Variants in WDR48 observed in about 807,000 individuals in gnomAD.
WDR48 encodes the protein WD repeat domain 48, also known as WD repeat-containing protein 48.
WDR48 carries 22 observed loss-of-function variants against 94.0 expected under a neutral mutation model. The observed-to-expected ratio is 0.23, with a 90% CI of 0.17 to 0.33. The LOEUF is 0.33. WDR48 is among the 10% of genes least tolerant of loss of function. WDR48 has a pLI of 1.00. For missense variants in WDR48, 541 were observed against 813.8 expected (o/e 0.66, Z 4.08); for synonymous variants, 278 against 280.5 (o/e 0.99, Z 0.09).
intron 14 of WDR48, among the ~76,000 whole-genome samples, chr3:39,087,628 A>G (rs1306342617): frequency 2.0e-5 from 3 of 152,212 alleles, no homozygotes; most frequent in Admixed American, 1.3e-4. Flanking sequence ...CAAAGAAAAA[A>G]CAACAGTGGA....
chr3:39,078,092 C>G (rs375541774), intron 9 of WDR48, 45 bp from the exon 10 acceptor site: 1 of 1,438,916 alleles, frequency 6.9e-7, no homozygotes, highest in Non-Finnish European at 9.7e-7. Flanking sequence ...GCTGGCAAAG[C>G]TTGTAGAGCA....
chr3:39,053,011 TAAAGTA>T (rs1385644434), intron 1 of WDR48, among the ~76,000 whole-genome samples: 2 of 152,200 alleles, frequency 1.3e-5, no homozygotes, highest in Non-Finnish European at 2.9e-5. Context: ...TCCTAGAACT[TAAAGTA>T]TAATAATAAT....
In WDR48 at chr3:39,094,576, G is replaced by A. The variant is rs559399722; in HGVS notation, c.1939-72G>A. 6.3e-6 allele frequency: 10 copies of A among 1,588,694 alleles called. No individual in the cohort carries two copies. In the East Asian group the frequency reaches 2.3e-4, roughly 36 times the overall value. On this transcript the variant is annotated intron_variant, in intron 18 of 18. Transcript: ENST00000302313. The stretch of plus-strand genomic sequence containing the variant: ...GAGCAAGCTGGATCACCTGATGAGA[G>A]TCCCTGAGTTAATGATAAGGTTTTA...
chr3:39,088,180 G>A lies in WDR48; in HGVS notation c.1527G>A (p.Val509=), dbSNP rs996595164. 6.2e-7 allele frequency: 1 copy of A among 1,614,142 alleles called. No individual in the cohort carries two copies. The highest frequency in any genetic ancestry group is 8.5e-7 in the Non-Finnish European group (1 of 1,180,030). The change falls in exon 15 of 19, where the codon GTG becomes GTA. Residue 509 remains valine, a synonymous_variant. Transcript: ENST00000302313. ...AGAAGGGAAATGGATATTTTCAAGT[G>A]CCCCCACATACACCCGTGATCTTTG... ...RVQKGNGYFQ[V]PPHTPVIFGE... is the part of the protein sequence containing the mutation.
intron 10 of WDR48, 61 bp from the exon 11 acceptor site, chr3:39,079,650 C>T: frequency 8.0e-7 from 1 of 1,243,328 alleles, no homozygotes; most frequent in Non-Finnish European, 1.1e-6. Flanking sequence ...CAATTGTTAC[C>T]ACACCATGAA....
At chr3:39,052,427 C>G in intron 1 of WDR48, 1 of 234,016 alleles carries the variant, frequency 4.3e-6, no homozygotes, top group South Asian at 4.9e-5. Flanking sequence ...TCTGCCCTCG[C>G]TGCGTCGGAG....
intron 1 of WDR48, among the ~76,000 whole-genome samples, chr3:39,058,320 AT>A (rs2033031488): frequency 6.6e-6 from 1 of 152,212 alleles, no homozygotes; most frequent in Admixed American, 6.5e-5. Context: ...GCGTGCTAGA[AT>A]TTATCCAACT....
At chr3:39,062,261 A>T (rs1575396008) in intron 1 of WDR48, among the ~76,000 whole-genome samples, 1 of 152,294 alleles carries the variant, frequency 6.6e-6, no homozygotes, top group African/African-American at 2.4e-5. Context: ...TCTTTAGTCC[A>T]TCTTGAGTTA....
At chr3:39,074,494 C>T (rs2034109278) in intron 7 of WDR48, among the ~76,000 whole-genome samples, 1 of 152,148 alleles carries the variant, frequency 6.6e-6, no homozygotes, top group Non-Finnish European at 1.5e-5. Context: ...GTGAATTGAT[C>T]AACAAAACTA....
chr3:39,054,802 T>C (rs1344796278), intron 1 of WDR48, among the ~76,000 whole-genome samples: 30 of 151,882 alleles, frequency 2.0e-4, no homozygotes, highest in Admixed American at 2.0e-3. Context: ...TCTGCTCGTC[T>C]TCCAGGGAGG....
At chr3:39,083,792 G>A (rs1369835532) in intron 11 of WDR48, among the ~76,000 whole-genome samples, 1 of 152,154 alleles carries the variant, frequency 6.6e-6, no homozygotes, top group Non-Finnish European at 1.5e-5. Context: ...GTAGAGTAAT[G>A]GTCTCCATGG....
chr3:39,068,753 T>A lies in WDR48; in HGVS notation c.482-18T>A, dbSNP rs1367245513. 6 of 1,581,608 alleles carry A rather than the reference T, an allele frequency of 3.8e-6. No individual in the cohort carries two copies. Among genetic ancestry groups the A allele is most frequent in the Non-Finnish European group, 5.2e-6 (6 of 1,158,226 alleles). On this transcript the variant is annotated intron_variant, in intron 5 of 18. Coordinates refer to ENST00000302313, the MANE Select transcript of WDR48 (RefSeq NM_020839.4). ...GCTGATGATCTTGTTAACATTTAGC[T>A]CCGTTTATCCTCAATAGCTTCTTCT...
chr3:39,091,560 T>G, intron 16 of WDR48, 65 bp from the exon 17 acceptor site: 1 of 1,211,786 alleles, frequency 8.3e-7, no homozygotes, highest in Non-Finnish European at 1.2e-6. Flanking sequence ...TGTTTTCCTA[T>G]TAACATTATT....
intron 14 of WDR48, chr3:39,087,885 A>ATTTTATTAAACATTTATTAAACAT (rs548972014): frequency 5.6e-4 from 249 of 443,562 alleles, no homozygotes; most frequent in African/African-American, 4.7e-3. Context: ...AATCTCAAAC[A>ATTTTATTAAACATTTATTAAACAT]TTAATCTCTT....
intron 1 of WDR48, chr3:39,052,485 G>T (rs1233361333): frequency 5.3e-6 from 1 of 189,432 alleles, no homozygotes; most frequent in Admixed American, 6.2e-5. Flanking sequence ...GGAGGAGTGA[G>T]CGGCTTGTGC....
In WDR48 at chr3:39,096,493, T is replaced by C. The variant is rs1451373287; in HGVS notation, c.*1750T>C. On this transcript the variant is annotated 3_prime_UTR_variant, in exon 19 of 19. Transcript: ENST00000302313. ...GTCATTTTGCCCTGTGTGCTAAGCC[T>C]TGGGTGGCTGCATTCCCCTCCTGTC... 6.6e-6 allele frequency: 1 copy of C among 152,194 alleles called. No individual in the cohort carries two copies. Among genetic ancestry groups the C allele is most frequent in the Non-Finnish European group, 1.5e-5 (1 of 68,030 alleles). 9.4% of individuals were successfully genotyped at this position (152,194 alleles called of 1,614,324 possible). A position where few individuals can be genotyped will look rare whatever the true frequency, so the allele number is the denominator to read the frequency against.
intron 13 of WDR48, 93 bp downstream of exon 13, chr3:39,084,834 C>A (rs980743190): frequency 3.8e-6 from 4 of 1,053,890 alleles, no homozygotes; most frequent in Non-Finnish European, 5.5e-6. Context: ...TGTAAAAGTT[C>A]TCTATATTTT....
In WDR48 at chr3:39,084,721, C is replaced by G. The variant is rs376616358; in HGVS notation, c.1358C>G (p.Pro453Arg). ...VSAKDAGFSS[P>R]DGSDPKLNLG... ...GCAAAAGATGCTGGTTTCAGCAGCC[C>G]TGATGGGTCAGATCCAAAATGTGAG... is the stretch of plus-strand genomic sequence containing the variant. Residue 453 changes from proline to arginine, a missense_variant, in exon 13 of 19, where the codon CCT becomes CGT. By Grantham distance (103) the Pro-to-Arg change is moderately radical (BLOSUM62 -2). Around this residue, in one of 5 missense-constraint regions of WDR48, gnomAD observed 238 missense variants for 285.3 expected, o/e 0.83. Coordinates refer to ENST00000302313, the MANE Select transcript of WDR48 (RefSeq NM_020839.4). The G allele has an allele frequency of 1.9e-6, 3 of 1,613,284 alleles. No homozygotes were observed. The highest frequency in any genetic ancestry group is 2.7e-5 in the African/African-American group (2 of 74,860).
rs1237068826 is a variant in WDR48 at position 39,060,437 on chromosome 3, TG to T, written c.49-2612del. Among the ~76,000 whole-genome samples, 5 of 132,370 alleles carry T rather than the reference TG, an allele frequency of 3.8e-5. No individual in the cohort carries two copies. In the East Asian group the frequency reaches 8.6e-4, roughly 23 times the overall value. 86.8% of individuals were successfully genotyped at this position (132,370 alleles called of 152,430 possible). A position where few individuals can be genotyped will look rare whatever the true frequency, so the allele number is the denominator to read the frequency against. On this transcript the variant is annotated intron_variant, in intron 1 of 18. Coordinates refer to ENST00000302313, the MANE Select transcript of WDR48 (RefSeq NM_020839.4). ...GTGTGTGCATATATATATATATATA[TG>T]CACACACACACATCACATTTTATTT...
Sources: allele counts gnomAD v4.1 joint callset (sites outside exome capture counted in the v4.1 genomes callset), GRCh38; gene constraint gnomAD v4.1.1; regional missense constraint gnomAD v4.1.1; transcripts MANE v1.5; gene names NCBI Gene and HGNC (gene_info 2026-07-23, HGNC 2026-07-21).